The following TIAM1 variants were observed in gnomAD, a reference collection of about 807,000 sequenced individuals.
The protein encoded by TIAM1 is rho guanine nucleotide exchange factor TIAM1.
Under a neutral mutation model 163.5 loss-of-function variants are expected in TIAM1, and 65 were observed. The ratio of observed to expected loss-of-function variants is 0.40; its 90% CI spans 0.33 to 0.49. The LOEUF (loss-of-function observed/expected upper bound fraction) is 0.49. Ranked by LOEUF, TIAM1 falls within the 20% of genes least tolerant of loss-of-function variation. TIAM1 has a pLI of 0.77. For missense variants in TIAM1, 1,789 were observed against 2,044.7 expected (o/e 0.87, Z 2.41); for synonymous variants, 833 against 810.1 (o/e 1.03, Z -0.48).
chr21:31,140,232 C>G (rs2082787720), intron 22 of TIAM1, among the ~76,000 whole-genome samples: 2 of 152,152 alleles, frequency 1.3e-5, no homozygotes, highest in Non-Finnish European at 2.9e-5. Flanking sequence ...AACAACCAAA[C>G]TTTGCCCCAC....
At chr21:31,247,219 G>A (rs1403659681) in intron 5 of TIAM1, among the ~76,000 whole-genome samples, 1 of 151,840 alleles carries the variant, frequency 6.6e-6, no homozygotes, top group African/African-American at 2.4e-5. Context: ...GCTGAGCTGG[G>A]AGGATTGTTT....
intron 23 of TIAM1, among the ~76,000 whole-genome samples, chr21:31,133,319 C>T (rs940756084): frequency 9.2e-5 from 14 of 152,306 alleles, no homozygotes; most frequent in African/African-American, 2.9e-4. Context: ...ATGATAAACA[C>T]GTCTTGTACC....
chr21:31,362,421 T>C (rs757507424), intron 2 of TIAM1, among the ~76,000 whole-genome samples: 6 of 150,206 alleles, frequency 4.0e-5, no homozygotes, highest in Non-Finnish European at 5.9e-5. Context: ...GAGTCATAGA[T>C]CCATTACCCA....
intron 2 of TIAM1, among the ~76,000 whole-genome samples, chr21:31,374,738 A>G (rs1292406916): frequency 6.6e-6 from 1 of 152,260 alleles, no homozygotes; most frequent in African/African-American, 2.4e-5. Context: ...GCAATATGGG[A>G]TAAGACTTGG....
intron 1 of TIAM1, among the ~76,000 whole-genome samples, chr21:31,545,063 G>A (rs535926714): frequency 6.6e-6 from 1 of 152,194 alleles, no homozygotes; most frequent in African/African-American, 2.4e-5. Flanking sequence ...GTGAATGTGA[G>A]CTTCTTTGGA....
intron 1 of TIAM1, among the ~76,000 whole-genome samples, chr21:31,465,957 C>T (rs2045517164): frequency 1.3e-5 from 2 of 152,190 alleles, no homozygotes; most frequent in East Asian, 1.9e-4. Flanking sequence ...CCGCCCGCCT[C>T]GGCCTCCCAA....
In TIAM1 at chr21:31,118,442, G is replaced by C. The variant is rs2081883258; in HGVS notation, c.*1926C>G. On this transcript the variant is annotated 3_prime_UTR_variant, in exon 28 of 28. Transcript: ENST00000541036. ...ACACTTTTCGTTATTTTTATTGTTT[G>C]ACAAGCATTTACAACGTTCCATTCA... The C allele has an allele frequency of 8.3e-6, 3 of 363,584 alleles. No individual in the cohort carries two copies. The highest frequency in any genetic ancestry group is 4.4e-5 in the South Asian group (2 of 44,986). The allele number at this position is 363,584 out of a possible 1,614,324, so 22.5% of individuals were successfully genotyped here. A position where few individuals can be genotyped will look rare whatever the true frequency, so the allele number is the denominator to read the frequency against.
chr21:31,239,478 A>G (rs1231736594), intron 6 of TIAM1, among the ~76,000 whole-genome samples: 22 of 152,174 alleles, frequency 1.4e-4, no homozygotes, highest in Admixed American at 1.4e-3. Flanking sequence ...ATGACATTAT[A>G]GCATGTAGAT....
intron 24 of TIAM1, among the ~76,000 whole-genome samples, chr21:31,130,583 G>C (rs192666794): frequency 2.6e-5 from 4 of 152,268 alleles, no homozygotes; most frequent in African/African-American, 4.8e-5. Context: ...CCCAAAAGAA[G>C]AACAGGGGCA....
rs539534528 is a variant in TIAM1 at position 31,167,078 on chromosome 21, A to G, written c.2888-2013T>C. On this transcript the variant is annotated intron_variant, in intron 15 of 27. Coordinates refer to ENST00000541036, the MANE Select transcript of TIAM1 (RefSeq NM_001353694.2). ...TCATAAAATAGTGGGAAAGCAAATA[A>G]AAGGATTTCCTTTTTTTTTTTTTTT... is the stretch of plus-strand genomic sequence containing the variant. 2.6e-5 allele frequency among the ~76,000 whole-genome samples: 4 copies of G among 151,444 alleles called. No homozygotes were observed. The South Asian group carries it at 6.3e-4, about 24-fold the overall frequency.
intron 20 of TIAM1, among the ~76,000 whole-genome samples, chr21:31,143,465 T>TATAC (rs1555863366): frequency 1.3e-4 from 19 of 150,574 alleles, no homozygotes; most frequent in Admixed American, 4.6e-4. Flanking sequence ...TATATATATA[T>TATAC]ACACACACAC....
intron 2 of TIAM1, among the ~76,000 whole-genome samples, chr21:31,319,287 C>A (rs546265096): frequency 5.2e-4 from 79 of 151,866 alleles, no homozygotes; most frequent in African/African-American, 1.5e-3. Flanking sequence ...ATAGTTGAGT[C>A]CCCGTTTTCA....
At chr21:31,504,142 G>A (rs1193822216) in intron 1 of TIAM1, among the ~76,000 whole-genome samples, 2 of 152,196 alleles carry the variant, frequency 1.3e-5, no homozygotes, top group Non-Finnish European at 2.9e-5. Flanking sequence ...CAAAGGGCTG[G>A]CATGCTGTCT....
chr21:31,207,923 CGTT>C (rs2146541513), intron 11 of TIAM1, among the ~76,000 whole-genome samples: 1 of 152,252 alleles, frequency 6.6e-6, no homozygotes, highest in East Asian at 1.9e-4. Context: ...TTCCACATCA[CGTT>C]GTTTTTGCTT....
intron 4 of TIAM1, among the ~76,000 whole-genome samples, chr21:31,257,646 CA>C (rs375495227): frequency 1.1e-3 from 165 of 152,230 alleles, no homozygotes; most frequent in African/African-American, 3.9e-3. Context: ...ACACCACTGC[CA>C]GGTAAATGTT....
intron 2 of TIAM1, among the ~76,000 whole-genome samples, chr21:31,296,352 A>G (rs1407079924): frequency 1.3e-5 from 2 of 152,280 alleles, no homozygotes; most frequent in East Asian, 3.9e-4. Flanking sequence ...AAAAACAGAT[A>G]ATTTCAAATT....
At chr21:31,307,233 G>A (rs1701840049) in intron 2 of TIAM1, among the ~76,000 whole-genome samples, 1 of 152,086 alleles carries the variant, frequency 6.6e-6, no homozygotes, top group African/African-American at 2.4e-5. Context: ...AAAACAAAAG[G>A]CCCTTTAGCC....
intron 10 of TIAM1, among the ~76,000 whole-genome samples, chr21:31,210,814 G>GAAAGAAAGAAAGAAAGAAA (rs147674572): frequency 4.7e-5 from 7 of 147,606 alleles, no homozygotes; most frequent in South Asian, 2.1e-4. Context: ...AAGAAAGAAA[G>GAAAGAAAGAAAGAAAGAAA]GTCACCATTC....
intron 16 of TIAM1, among the ~76,000 whole-genome samples, chr21:31,161,571 T>C (rs1277527015): frequency 2.0e-5 from 3 of 152,176 alleles, no homozygotes; most frequent in African/African-American, 7.2e-5. Context: ...TCAGTACAAG[T>C]GCAAAACATA....
Sources: allele counts gnomAD v4.1 joint callset (sites outside exome capture counted in the v4.1 genomes callset), GRCh38; gene constraint gnomAD v4.1.1; transcripts MANE v1.5; gene names NCBI Gene and HGNC (gene_info 2026-07-23, HGNC 2026-07-21).